Variants in IL23R observed in about 807,000 individuals in gnomAD.
IL23R encodes interleukin 23 receptor.
IL23R carries 34 observed loss-of-function variants against 56.9 expected under a neutral mutation model. The ratio of observed to expected loss-of-function variants is 0.60; its 90% CI spans 0.45 to 0.80. The LOEUF (loss-of-function observed/expected upper bound fraction) is 0.80. Ranked by LOEUF, IL23R falls within the 30% of genes least tolerant of loss-of-function variation. The pLI is 0.00. For missense variants in IL23R, 635 were observed against 730.0 expected, an observed-to-expected ratio of 0.87 and a Z score of 1.50; for synonymous variants, 230 against 249.2, an observed-to-expected ratio of 0.92 and a Z score of 0.73.
intron 9 of IL23R, among the ~76,000 whole-genome samples, chr1:67,245,931 G>T (rs190593630): frequency 6.6e-6 from 1 of 152,086 alleles, no homozygotes; most frequent in Non-Finnish European, 1.5e-5. Context: ...CTGTGAATCC[G>T]TCTGGTCCTG....
rs1322190384 is a variant in IL23R at position 67,259,224 on chromosome 1, A to C, written c.*96A>C. On this transcript the variant is annotated 3_prime_UTR_variant, in exon 11 of 11. Transcript: ENST00000347310. The stretch of plus-strand genomic sequence containing the variant: ...ATTGAATTCTGCCTCTTTTTGAAAA[A>C]AATGTATTCACATACAAATCTTCAC... The C allele has an allele frequency of 5.9e-6, 7 of 1,190,634 alleles. No individual in the cohort carries two copies. Among genetic ancestry groups the C allele is most frequent in the Admixed American group, 1.8e-5 (1 of 55,322 alleles). The allele number at this position is 1,190,634 out of a possible 1,614,324, so 73.8% of individuals were successfully genotyped here.
At chr1:67,209,215 C>T (rs2102642265) in intron 6 of IL23R, among the ~76,000 whole-genome samples, 1 of 152,182 alleles carries the variant, frequency 6.6e-6, no homozygotes, top group East Asian at 1.9e-4. Context: ...TGCCTTGTCT[C>T]AGATGAGACT....
chr1:67,221,176 C>T (rs1270795065), intron 7 of IL23R, among the ~76,000 whole-genome samples: 1 of 152,052 alleles, frequency 6.6e-6, no homozygotes, highest in African/African-American at 2.4e-5. Flanking sequence ...CAAAAATTAG[C>T]TGGGCATGGC....
chr1:67,200,339 A>AT (rs1338823694), intron 4 of IL23R, among the ~76,000 whole-genome samples: 45 of 151,266 alleles, frequency 3.0e-4, no homozygotes, highest in African/African-American at 9.9e-4. Flanking sequence ...ATAAATTCTA[A>AT]TTTTTTTTAA....
chr1:67,151,416 G>A (rs1389473809), intron 1 of IL23R, among the ~76,000 whole-genome samples: 5 of 152,158 alleles, frequency 3.3e-5, no homozygotes, highest in African/African-American at 1.2e-4. Context: ...TCACTCTGAT[G>A]CTAGTTTCTT....
chr1:67,223,960 G>A (rs1650457546), intron 7 of IL23R, among the ~76,000 whole-genome samples: 1 of 151,438 alleles, frequency 6.6e-6, no homozygotes, highest in South Asian at 2.1e-4. Context: ...GATGTATGTT[G>A]TCGAACTGCT....
chr1:67,259,353 A>G lies in IL23R; in HGVS notation c.*225A>G. 1 of 536,068 alleles carries G rather than the reference A, an allele frequency of 1.9e-6. No individual in the cohort carries two copies. The highest frequency in any genetic ancestry group is 3.3e-6 in the Non-Finnish European group (1 of 298,974). The allele number at this position is 536,068 out of a possible 1,614,324, so 33.2% of individuals were successfully genotyped here. Reference sequence around the variant, plus strand: ...GTTCTACCAATCTTGTTTCCAGAGTAGTGACATTTCTGTGCTCCTACCATC... The same window carrying G: ...GTTCTACCAATCTTGTTTCCAGAGTGGTGACATTTCTGTGCTCCTACCATC... On this transcript the variant is annotated 3_prime_UTR_variant, in exon 11 of 11. Transcript: ENST00000347310.
chr1:67,208,229 A>G (rs979827795), intron 6 of IL23R, among the ~76,000 whole-genome samples: 4 of 152,238 alleles, frequency 2.6e-5, no homozygotes, highest in African/African-American at 9.6e-5. Context: ...AAAAGTTCAG[A>G]AAATTTGTGG....
At chr1:67,207,665 C>T in intron 6 of IL23R, 2 of 393,868 alleles carry the variant, frequency 5.1e-6, no homozygotes, top group Non-Finnish European at 4.9e-6. Flanking sequence ...TGCCTCCCAC[C>T]ATGATTCTGA....
chr1:67,179,703 G>C (rs549142007), intron 3 of IL23R, among the ~76,000 whole-genome samples: 1 of 152,066 alleles, frequency 6.6e-6, no homozygotes, highest in African/African-American at 2.4e-5. Context: ...TCTTTTAATT[G>C]TGATGTTAGG....
intron 9 of IL23R, among the ~76,000 whole-genome samples, chr1:67,247,985 T>C (rs571301156): frequency 2.4e-4 from 36 of 152,348 alleles, no homozygotes; most frequent in African/African-American, 8.4e-4. Context: ...AGACATCTGC[T>C]TTTAGTCTGA....
intron 4 of IL23R, among the ~76,000 whole-genome samples, chr1:67,184,261 G>A (rs969048067): frequency 2.0e-5 from 3 of 146,890 alleles, no homozygotes; most frequent in Non-Finnish European, 3.0e-5. Context: ...AAAATAAGAT[G>A]CCGGCTGGGC....
In IL23R at chr1:67,148,593, G is replaced by T. The variant is rs59592152; in HGVS notation, c.-634+9432G>T. Among the ~76,000 whole-genome samples the T allele has an allele frequency of 5.5e-3, 842 of 152,286 alleles. 9 individuals carry two copies. The highest frequency in any genetic ancestry group is 0.019 in the African/African-American group (807 of 41,536). On this transcript the variant is annotated intron_variant, in intron 1 of 10. Transcript: ENST00000637002. ...CCACAGCTAGGCTTAGGAATTCTTA[G>T]TCGGCCTAGGGAATCCAGCTAGTCC...
At chr1:67,199,743 G>C (rs1347688941) in intron 4 of IL23R, among the ~76,000 whole-genome samples, 2 of 151,774 alleles carry the variant, frequency 1.3e-5, no homozygotes, top group African/African-American at 4.8e-5. Context: ...GTCCATGAAG[G>C]CAGAAGTGTT....
At chr1:67,145,494 C>T (rs1397360901) in intron 1 of IL23R, among the ~76,000 whole-genome samples, 2 of 152,112 alleles carry the variant, frequency 1.3e-5, no homozygotes, top group Non-Finnish European at 2.9e-5. Context: ...TGCTCCTGTG[C>T]CCTCTTCCCA....
chr1:67,221,403 A>AAT (rs1650245307), intron 7 of IL23R, among the ~76,000 whole-genome samples: 1 of 152,156 alleles, frequency 6.6e-6, no homozygotes. Flanking sequence ...TATGTAAAGC[A>AAT]ATCAGAAAGT....
At chr1:67,163,587 A>G (rs1009210563), upstream of IL23R, among the ~76,000 whole-genome samples, 1 of 151,460 alleles carries the variant, frequency 6.6e-6, no homozygotes, top group African/African-American at 2.4e-5. Context: ...ATGTGGGCGG[A>G]TCCTGCATGA....
intron 3 of IL23R, among the ~76,000 whole-genome samples, chr1:67,179,011 C>T (rs545716485): frequency 3.9e-5 from 6 of 152,230 alleles, no homozygotes; most frequent in African/African-American, 1.2e-4. Context: ...CTGTTGGATT[C>T]GGTTTGCCAG....
At position 67,170,247 on chromosome 1, in the gene IL23R, T is replaced by A. The variant is rs11465783; in HGVS notation, c.367+609T>A. On this transcript the variant is annotated intron_variant, in intron 3 of 10. Coordinates refer to ENST00000347310, the MANE Select transcript of IL23R (RefSeq NM_144701.3). The stretch of plus-strand genomic sequence containing the variant: ...GGCTGTGTTATGCACTTAATTTCAA[T>A]AATTTATTTGGAAGCATATGATAAA... Among the ~76,000 whole-genome samples the A allele has an allele frequency of 2.9e-3, 437 of 152,284 alleles. 5 individuals are homozygous for A. The highest frequency in any genetic ancestry group is 0.01 in the African/African-American group (431 of 41,556).
Sources: gnomAD v4.1 joint callset for allele counts (sites outside exome capture counted in the v4.1 genomes callset) on GRCh38, gnomAD v4.1.1 for gene constraint, MANE v1.5 for transcripts, NCBI Gene and HGNC (gene_info 2026-07-23, HGNC 2026-07-21) for gene names.